Variants in XRCC4 observed in about 807,000 individuals in gnomAD.
The protein encoded by XRCC4 is DNA repair protein XRCC4.
A neutral mutation model predicts 39.1 loss-of-function variants in XRCC4; 28 were observed. The ratio of observed to expected loss-of-function variants is 0.72; its 90% CI spans 0.53 to 0.98. The LOEUF (loss-of-function observed/expected upper bound fraction) is 0.98. Among genes scored for constraint, XRCC4 ranks in the 50% least tolerant of loss-of-function variants. The pLI, the probability that XRCC4 is intolerant of heterozygous loss-of-function variation, is 0.00. For synonymous variants in XRCC4, 123 were observed against 126.4 expected, an observed-to-expected ratio of 0.97 and a Z score of 0.18; for missense variants, 350 against 376.4, an observed-to-expected ratio of 0.93 and a Z score of 0.58.
At chr5:83,243,084 A>G (rs1333970410) in intron 6 of XRCC4, among the ~76,000 whole-genome samples, 2 of 152,294 alleles carry the variant, frequency 1.3e-5, no homozygotes, top group South Asian at 2.1e-4. Flanking sequence ...ACTTTTCTAT[A>G]AAGACTGGAA....
intron 3 of XRCC4, among the ~76,000 whole-genome samples, chr5:83,140,197 C>T (rs1580279516): frequency 2.0e-5 from 3 of 152,268 alleles, no homozygotes; most frequent in Admixed American, 1.3e-4. Flanking sequence ...CACGACAGGG[C>T]GTCTGCAAGC....
intron 1 of XRCC4, among the ~76,000 whole-genome samples, chr5:83,078,834 C>T (rs2112265073): frequency 6.6e-6 from 1 of 152,296 alleles, no homozygotes. Flanking sequence ...TTAAAAGATA[C>T]AGTACTCTCC....
At chr5:83,147,351 A>G (rs1248887148) in intron 3 of XRCC4, among the ~76,000 whole-genome samples, 1 of 152,226 alleles carries the variant, frequency 6.6e-6, no homozygotes, top group Non-Finnish European at 1.5e-5. Context: ...ATAGATCTAC[A>G]AAATAGTATA....
chr5:83,158,547 A>G (rs1749063067), intron 3 of XRCC4, among the ~76,000 whole-genome samples: 1 of 152,146 alleles, frequency 6.6e-6, no homozygotes, highest in Non-Finnish European at 1.5e-5. Flanking sequence ...AATACTGTAA[A>G]ATCATCATGG....
At chr5:83,120,510 A>G (rs1746960778) in intron 3 of XRCC4, among the ~76,000 whole-genome samples, 2 of 152,178 alleles carry the variant, frequency 1.3e-5, no homozygotes, top group Admixed American at 6.5e-5. Context: ...TCAGCTTTAC[A>G]TGTTTTAGAA....
At chr5:83,277,793 G>A (rs976410329) in intron 7 of XRCC4, among the ~76,000 whole-genome samples, 2 of 152,042 alleles carry the variant, frequency 1.3e-5, no homozygotes, top group South Asian at 4.1e-4. Flanking sequence ...TGGAAGTTTT[G>A]TTTTCTGTCT....
intron 3 of XRCC4, among the ~76,000 whole-genome samples, chr5:83,164,776 C>T (rs1445625588): frequency 6.6e-6 from 1 of 152,002 alleles, no homozygotes; most frequent in East Asian, 1.9e-4. Flanking sequence ...TTCTCTCAGT[C>T]TCTCATATTT....
chr5:83,233,939 A>G (rs74686968), intron 6 of XRCC4, among the ~76,000 whole-genome samples: 3,270 of 151,804 alleles, frequency 0.022, 118 homozygotes, highest in African/African-American at 0.074. Flanking sequence ...GCTATCAACA[A>G]CAATCACCGA....
intron 6 of XRCC4, among the ~76,000 whole-genome samples, chr5:83,252,459 A>C: frequency 6.6e-6 from 1 of 151,018 alleles, no homozygotes; most frequent in East Asian, 1.9e-4. Context: ...TATTTATCTT[A>C]CTTTTTTTTT....
chr5:83,081,482 C>A (rs1018361777), intron 1 of XRCC4, among the ~76,000 whole-genome samples: 1 of 151,980 alleles, frequency 6.6e-6, no homozygotes, highest in Non-Finnish European at 1.5e-5. Context: ...AAAGTTAATA[C>A]AGTTTTATTC....
intron 3 of XRCC4, among the ~76,000 whole-genome samples, chr5:83,191,790 C>T (rs1279433146): frequency 2.0e-5 from 3 of 152,162 alleles, no homozygotes; most frequent in African/African-American, 7.2e-5. Flanking sequence ...TCCTCCTTGC[C>T]TTCTGCCATG....
At chr5:83,184,852 T>A (rs1329250701) in intron 3 of XRCC4, among the ~76,000 whole-genome samples, 1 of 151,928 alleles carries the variant, frequency 6.6e-6, no homozygotes, top group Non-Finnish European at 1.5e-5. Flanking sequence ...AGAGTGTAGT[T>A]TTTTTTTACC....
At chr5:83,121,599 G>T (rs1747012284) in intron 3 of XRCC4, among the ~76,000 whole-genome samples, 1 of 152,002 alleles carries the variant, frequency 6.6e-6, no homozygotes, top group Non-Finnish European at 1.5e-5. Context: ...TTTTATTTGG[G>T]TTGCTTATTT....
intron 7 of XRCC4, among the ~76,000 whole-genome samples, chr5:83,349,358 A>T (rs182236651): frequency 8.5e-5 from 13 of 152,348 alleles, no homozygotes; most frequent in Admixed American, 8.5e-4. Flanking sequence ...TGCTTTTCAG[A>T]ATTTACAAAA....
rs534653110 is a variant in XRCC4, at chr5:83,116,208, T to C, written c.315+5005T>C. ...AATCCTTTTCTTGATGATACAAACA[T>C]CTGATTGTTGCCAAAAATGACCTCC... is the stretch of plus-strand genomic sequence containing the variant. On this transcript the variant is annotated intron_variant, in intron 3 of 7. Coordinates refer to ENST00000396027, the MANE Select transcript of XRCC4 (RefSeq NM_003401.5). Among the ~76,000 whole-genome samples the C allele has an allele frequency of 2.0e-5, 3 of 152,308 alleles. No individual in the cohort carries two copies. The East Asian group carries it at 5.8e-4, about 29-fold the overall frequency.
intron 7 of XRCC4, among the ~76,000 whole-genome samples, chr5:83,264,957 T>C (rs973163241): frequency 6.6e-6 from 1 of 152,164 alleles, no homozygotes; most frequent in African/African-American, 2.4e-5. Flanking sequence ...CAACAGTGTT[T>C]GCCTTTTGAG....
intron 3 of XRCC4, among the ~76,000 whole-genome samples, chr5:83,117,003 G>A (rs56971588): frequency 0.032 from 4,868 of 152,280 alleles, 256 homozygotes; most frequent in African/African-American, 0.11. Context: ...TTTGGGAGCA[G>A]TGGGTCAGCA....
chr5:83,079,319 A>G (rs946750319), intron 1 of XRCC4, among the ~76,000 whole-genome samples: 10 of 152,190 alleles, frequency 6.6e-5, no homozygotes, highest in Non-Finnish European at 1.2e-4. Context: ...TAAAACATCA[A>G]AGTTAATCTG....
chr5:83,163,775 T>A (rs1421015797), intron 3 of XRCC4, among the ~76,000 whole-genome samples: 1 of 152,212 alleles, frequency 6.6e-6, no homozygotes, highest in Non-Finnish European at 1.5e-5. Flanking sequence ...CAATAAACTT[T>A]GAAGTGTTTA....
Sources: allele counts gnomAD v4.1 joint callset (sites outside exome capture counted in the v4.1 genomes callset), GRCh38; gene constraint gnomAD v4.1.1; transcripts MANE v1.5; gene names NCBI Gene and HGNC (gene_info 2026-07-23, HGNC 2026-07-21).